Variants in GRIA4 observed in about 807,000 individuals in gnomAD.
GRIA4 encodes the protein glutamate ionotropic receptor AMPA type subunit 4.
In GRIA4, 34 loss-of-function variants were observed where a neutral mutation model predicts 104.0. That is an observed-to-expected ratio of 0.33 (90% CI 0.25 to 0.44). The LOEUF is 0.44. Ranked by LOEUF, GRIA4 falls within the 20% of genes least tolerant of loss-of-function variation. GRIA4 has a pLI of 1.00. For missense variants in GRIA4, 750 were observed against 1,096.5 expected (o/e 0.68, Z 4.46); for synonymous variants, 386 against 381.9 (o/e 1.01, Z -0.13).
chr11:105,691,394 T>A (rs996342158), intron 3 of GRIA4, among the ~76,000 whole-genome samples: 1 of 152,166 alleles, frequency 6.6e-6, no homozygotes, highest in Non-Finnish European at 1.5e-5. Flanking sequence ...GACAATGTAG[T>A]CTGTTTACTT....
intron 3 of GRIA4, among the ~76,000 whole-genome samples, chr11:105,697,947 C>T (rs1035628464): frequency 6.6e-6 from 1 of 152,156 alleles, no homozygotes; most frequent in East Asian, 1.9e-4. Context: ...TTAAGAACCA[C>T]CTTTAAGTGC....
chr11:105,832,638 G>A (rs1358461885), intron 4 of GRIA4, among the ~76,000 whole-genome samples: 1 of 151,778 alleles, frequency 6.6e-6, no homozygotes, highest in Non-Finnish European at 1.5e-5. Flanking sequence ...CCACTGAGCC[G>A]CTCAACTATA....
chr11:105,696,742 C>G (rs934530119), intron 3 of GRIA4, among the ~76,000 whole-genome samples: 12 of 150,016 alleles, frequency 8.0e-5, no homozygotes, highest in African/African-American at 3.0e-4. Flanking sequence ...TAAGAATAGA[C>G]TTTTCCTGAC....
chr11:105,963,759 A>G (rs970843549), intron 14 of GRIA4, among the ~76,000 whole-genome samples: 4 of 152,130 alleles, frequency 2.6e-5, no homozygotes, highest in South Asian at 4.1e-4. Flanking sequence ...AATTTTCTCA[A>G]CGTAAAGCTT....
intron 5 of GRIA4, among the ~76,000 whole-genome samples, chr11:105,871,550 A>G (rs1193692630): frequency 1.3e-5 from 2 of 151,424 alleles, no homozygotes; most frequent in Non-Finnish European, 2.9e-5. Context: ...ACAAATGTAA[A>G]TATGTCTAAC....
rs190114696 is a variant in GRIA4, at chr11:105,747,360, C to T, written c.248-5621C>T. On this transcript the variant is annotated intron_variant, in intron 3 of 16. Transcript: ENST00000282499. ...CTTTAAATACGAATTAGAACACACACAAAATAGTATCAAATTACCAAGGAT... is the reference window on the plus strand; with the variant it reads ...CTTTAAATACGAATTAGAACACACATAAAATAGTATCAAATTACCAAGGAT... Among the ~76,000 whole-genome samples, 716 of 152,002 alleles carry T rather than the reference C, an allele frequency of 4.7e-3. 4 individuals carry two copies. Among genetic ancestry groups the T allele is most frequent in the Non-Finnish European group, 7.4e-3 (502 of 67,978 alleles).
rs1859186429 is a variant in GRIA4 at position 105,979,815 on chromosome 11, C to T, written c.*76C>T. 3 of 1,105,448 alleles carry T rather than the reference C, an allele frequency of 2.7e-6. No individual in the cohort carries two copies. Among genetic ancestry groups the T allele is most frequent in the South Asian group, 1.4e-5 (1 of 71,038 alleles). The allele number at this position is 1,105,448 out of a possible 1,614,324, so 68.5% of individuals were successfully genotyped here. On this transcript the variant is annotated 3_prime_UTR_variant, in exon 17 of 17. Coordinates refer to ENST00000282499, the MANE Select transcript of GRIA4 (RefSeq NM_000829.4). ...AAACGCAGCCCTGAGGGACACGCCA[C>T]GCGCGGGTCTTTGCTAAACCAATCC...
intron 3 of GRIA4, among the ~76,000 whole-genome samples, chr11:105,665,782 ATAT>A: frequency 6.6e-6 from 1 of 152,132 alleles, no homozygotes; most frequent in Non-Finnish European, 1.5e-5. Flanking sequence ...AATTAGGGAG[ATAT>A]TATTATATCA....
At chr11:105,844,737 A>ACTG (rs1488572630) in intron 4 of GRIA4, among the ~76,000 whole-genome samples, 1 of 152,148 alleles carries the variant, frequency 6.6e-6, no homozygotes, top group Admixed American at 6.5e-5. Flanking sequence ...AGACTTTATT[A>ACTG]CTGCTGCTGC....
intron 3 of GRIA4, among the ~76,000 whole-genome samples, chr11:105,668,003 T>TC: frequency 6.6e-6 from 1 of 151,570 alleles, no homozygotes; most frequent in South Asian, 2.1e-4. Flanking sequence ...CTTCCCATTT[T>TC]CCCCTCCCCT....
intron 10 of GRIA4, among the ~76,000 whole-genome samples, chr11:105,914,831 A>G (rs1947353053): frequency 6.6e-6 from 1 of 152,174 alleles, no homozygotes; most frequent in African/African-American, 2.4e-5. Context: ...TTCAAAATTG[A>G]ACACTTGGGA....
At chr11:105,775,608 TTTAA>T (rs1232339265) in intron 4 of GRIA4, among the ~76,000 whole-genome samples, 4 of 151,906 alleles carry the variant, frequency 2.6e-5, no homozygotes, top group Non-Finnish European at 5.9e-5. Context: ...AAATATAAAG[TTTAA>T]TTACAAATCA....
chr11:105,835,795 G>A (rs1944159410), intron 4 of GRIA4, among the ~76,000 whole-genome samples: 1 of 151,944 alleles, frequency 6.6e-6, no homozygotes, highest in Non-Finnish European at 1.5e-5. Context: ...TGGAGAGCTA[G>A]AAATAAAGTG....
At chr11:105,839,702 C>T (rs1330130898) in intron 4 of GRIA4, among the ~76,000 whole-genome samples, 2 of 151,182 alleles carry the variant, frequency 1.3e-5, no homozygotes, top group African/African-American at 4.9e-5. Context: ...AGCAAGACTC[C>T]GTCTCAAAAA....
At chr11:105,673,465 C>T (rs775973381) in intron 3 of GRIA4, among the ~76,000 whole-genome samples, 7 of 152,042 alleles carry the variant, frequency 4.6e-5, no homozygotes, top group Non-Finnish European at 8.8e-5. Flanking sequence ...ATCAGTTATC[C>T]GAACTTCTAA....
chr11:105,686,965 T>A (rs901862107), intron 3 of GRIA4, among the ~76,000 whole-genome samples: 1 of 152,172 alleles, frequency 6.6e-6, no homozygotes, highest in Non-Finnish European at 1.5e-5. Flanking sequence ...GGATATTAGA[T>A]CTTTGTTGGA....
chr11:105,746,626 A>G (rs1939676364), intron 3 of GRIA4, among the ~76,000 whole-genome samples: 1 of 152,118 alleles, frequency 6.6e-6, no homozygotes, highest in Non-Finnish European at 1.5e-5. Flanking sequence ...CTTACAAACA[A>G]AGGCAGCAAA....
At chr11:105,746,328 G>A (rs10791771) in intron 3 of GRIA4, among the ~76,000 whole-genome samples, 103,838 of 151,718 alleles carry the variant, frequency 0.68, 35,824 homozygotes, top group African/African-American at 0.79. Context: ...AATATTAGAT[G>A]AAAATCTCAA....
intron 4 of GRIA4, among the ~76,000 whole-genome samples, chr11:105,780,053 T>C (rs1941657530): frequency 6.6e-6 from 1 of 152,170 alleles, no homozygotes; most frequent in Non-Finnish European, 1.5e-5. Flanking sequence ...TGCAACACAC[T>C]GAACTTTAGG....
Sources: gnomAD v4.1 joint callset for allele counts (sites outside exome capture counted in the v4.1 genomes callset) on GRCh38, gnomAD v4.1.1 for gene constraint, MANE v1.5 for transcripts, NCBI Gene and HGNC (gene_info 2026-07-23, HGNC 2026-07-21) for gene names.